Variants in ADAMTSL1 observed in about 807,000 individuals in gnomAD.
ADAMTSL1 encodes the protein ADAMTS-like protein 1.
Under a neutral mutation model 201.8 loss-of-function variants are expected in ADAMTSL1, and 126 were observed. The ratio of observed to expected loss-of-function variants is 0.62; its 90% CI spans 0.54 to 0.72. The LOEUF (loss-of-function observed/expected upper bound fraction) is 0.72. ADAMTSL1 is among the 30% of genes least tolerant of loss of function. The probability of loss-of-function intolerance (pLI) is 0.00; values close to 1 mark genes in which losing one functional copy is unlikely to be tolerated. For synonymous variants in ADAMTSL1, 1,121 were observed against 903.4 expected (o/e 1.24, Z -4.32); for missense variants, 2,679 against 2,277.8 (o/e 1.18, Z -3.59).
chr9:17,948,453 C>A (rs769218669), intron 1 of ADAMTSL1, among the ~76,000 whole-genome samples: 33 of 152,208 alleles, frequency 2.2e-4, no homozygotes, highest in Non-Finnish European at 4.3e-4. Flanking sequence ...CCATCACTAT[C>A]TGAGATCAGG....
chr9:18,521,855 A>G lies in ADAMTSL1; in HGVS notation c.192-11392A>G, dbSNP rs139751333. On this transcript the variant is annotated intron_variant, in intron 2 of 28. Coordinates refer to ENST00000380548, the MANE Select transcript of ADAMTSL1 (RefSeq NM_001040272.6). ...GCAAAGCTAAGAAAAAGATTAGAATATGGGACTTGTGAAACCCACAGGGAT... is the reference window on the plus strand; with the variant it reads ...GCAAAGCTAAGAAAAAGATTAGAATGTGGGACTTGTGAAACCCACAGGGAT... 4.4e-3 allele frequency among the ~76,000 whole-genome samples: 669 copies of G among 152,318 alleles called. 3 individuals carry two copies. The highest frequency in any genetic ancestry group is 0.015 in the African/African-American group (613 of 41,562).
Position 18,413,068 on chromosome 9 carries a change from C to G in ADAMTSL1, c.208-91761C>G, listed in dbSNP as rs181391284. On this transcript the variant is annotated intron_variant, in intron 2 of 29. Transcript: ENST00000680146. ...GGCGTGTTTTACCTTTTTCTATACTCTGAACTAATTTGTGTAAGAGAAGAA... is the reference window on the plus strand; with the variant it reads ...GGCGTGTTTTACCTTTTTCTATACTGTGAACTAATTTGTGTAAGAGAAGAA... Among the ~76,000 whole-genome samples, 309 of 151,646 alleles carry G rather than the reference C, an allele frequency of 2.0e-3. 3 individuals carry two copies. The highest frequency in any genetic ancestry group is 7.3e-3 in the African/African-American group (301 of 41,318).
intron 1 of ADAMTSL1, among the ~76,000 whole-genome samples, chr9:17,921,790 G>A (rs1017476172): frequency 3.9e-5 from 6 of 152,168 alleles, no homozygotes; most frequent in East Asian, 1.9e-4. Flanking sequence ...AAGAGATTCC[G>A]TGCTCACTGA....
At chr9:18,707,233 T>C (rs77194852) in intron 14 of ADAMTSL1, among the ~76,000 whole-genome samples, 185 bp downstream of exon 14, 2,153 of 152,326 alleles carry the variant, frequency 0.014, 15 homozygotes, top group Middle Eastern at 0.031. Context: ...TTGGCTCCAG[T>C]GGCTCTCAGA....
chr9:18,053,693 A>G (rs1028519019), intron 1 of ADAMTSL1, among the ~76,000 whole-genome samples: 2 of 152,228 alleles, frequency 1.3e-5, no homozygotes, highest in African/African-American at 4.8e-5. Context: ...TGTTACATTC[A>G]TATATTAATT....
At chr9:18,320,964 A>T (rs1298154027) in intron 2 of ADAMTSL1, among the ~76,000 whole-genome samples, 1 of 152,092 alleles carries the variant, frequency 6.6e-6, no homozygotes, top group Non-Finnish European at 1.5e-5. Flanking sequence ...ACAAAATAAT[A>T]GATATAAATA....
rs554220611 is a variant in ADAMTSL1 at position 18,856,435 on chromosome 9, T to C, written c.4249+26458T>C. Among the ~76,000 whole-genome samples, 10 of 151,904 alleles carry C rather than the reference T, an allele frequency of 6.6e-5. 1 individual carries two copies. Among genetic ancestry groups the C allele is most frequent in the Middle Eastern group, 3.4e-3 (1 of 292 alleles). ...TATTGTTGACATAGCAATGATAAAC[T>C]GGTTGTTGCCAAATGATAAGAAGGA... On this transcript the variant is annotated intron_variant, in intron 23 of 28. Coordinates refer to ENST00000380548, the MANE Select transcript of ADAMTSL1 (RefSeq NM_001040272.6).
intron 1 of ADAMTSL1, among the ~76,000 whole-genome samples, chr9:18,116,620 A>C (rs1389391575): frequency 6.6e-6 from 1 of 152,174 alleles, no homozygotes; most frequent in African/African-American, 2.4e-5. Context: ...CAGGGGTTGC[A>C]TTTTATGTAG....
Position 18,590,857 on chromosome 9 carries a change from G to A in ADAMTSL1, c.474+16591G>A, listed in dbSNP as rs76097314. ...TATTTGTATAGTTTTGAAAGTTATTGATTTCTAGTTTTATTTCATTGTGGT... is the reference window on the plus strand; with the variant it reads ...TATTTGTATAGTTTTGAAAGTTATTAATTTCTAGTTTTATTTCATTGTGGT... On this transcript the variant is annotated intron_variant, in intron 4 of 28. Transcript: ENST00000380548. 8.3e-4 allele frequency among the ~76,000 whole-genome samples: 126 copies of A among 152,048 alleles called. 1 individual carries two copies. The highest frequency in any genetic ancestry group is 2.9e-3 in the African/African-American group (121 of 41,494).
chr9:18,715,574 A>C (rs1171255091), intron 14 of ADAMTSL1, among the ~76,000 whole-genome samples: 1 of 152,140 alleles, frequency 6.6e-6, no homozygotes, highest in African/African-American at 2.4e-5. Flanking sequence ...CCACTACTCA[A>C]GGAAATAAAA....
At chr9:18,411,106 C>T (rs551849955) in intron 2 of ADAMTSL1, among the ~76,000 whole-genome samples, 9 of 151,534 alleles carry the variant, frequency 5.9e-5, no homozygotes, top group African/African-American at 2.2e-4. Flanking sequence ...TCATCATCCA[C>T]CCACCTTGGT....
chr9:18,817,365 C>T (rs1277537494), intron 21 of ADAMTSL1, 128 bp downstream of exon 21: 5 of 914,138 alleles, frequency 5.5e-6, no homozygotes, highest in Non-Finnish European at 7.9e-6. Context: ...AAAGCATGAA[C>T]CTCAGTCGCT....
chr9:18,390,441 G>A (rs1341610471), intron 2 of ADAMTSL1, among the ~76,000 whole-genome samples: 1 of 152,090 alleles, frequency 6.6e-6, no homozygotes, highest in Non-Finnish European at 1.5e-5. Context: ...TAAACTGAAG[G>A]GAATTTGTTG....
intron 13 of ADAMTSL1, among the ~76,000 whole-genome samples, chr9:18,697,782 TA>T (rs1398138572): frequency 1.3e-5 from 2 of 152,180 alleles, no homozygotes; most frequent in Non-Finnish European, 2.9e-5. Context: ...AGGTAGCCAT[TA>T]AAATCCTTTG....
At chr9:18,095,575 A>C (rs1489055792) in intron 1 of ADAMTSL1, among the ~76,000 whole-genome samples, 1 of 151,808 alleles carries the variant, frequency 6.6e-6, no homozygotes, top group East Asian at 1.9e-4. Context: ...GGCACATGCC[A>C]CCACGCCCGG....
chr9:18,314,190 G>C (rs1834269448), intron 2 of ADAMTSL1, among the ~76,000 whole-genome samples: 1 of 152,126 alleles, frequency 6.6e-6, no homozygotes, highest in Non-Finnish European at 1.5e-5. Flanking sequence ...AGCACATGTT[G>C]GTGAGGATAT....
chr9:18,767,099 T>C (rs549817087), intron 16 of ADAMTSL1, among the ~76,000 whole-genome samples: 1 of 152,114 alleles, frequency 6.6e-6, no homozygotes, highest in Non-Finnish European at 1.5e-5. Context: ...TGGGGAAGAC[T>C]GAGAGAGAAG....
chr9:18,203,861 G>T (rs967460479), intron 2 of ADAMTSL1, among the ~76,000 whole-genome samples: 1 of 152,144 alleles, frequency 6.6e-6, no homozygotes, highest in Non-Finnish European at 1.5e-5. Context: ...CCTAAAAGGA[G>T]ATTTTGTCCT....
rs1455384553 is a variant in ADAMTSL1 at position 18,533,297 on chromosome 9, G to C, written c.237+5G>C. 1.9e-6 allele frequency: 3 copies of C among 1,606,268 alleles called. No individual in the cohort carries two copies. The highest frequency in any genetic ancestry group is 2.2e-5 in the South Asian group (2 of 89,642). On this transcript the variant is annotated splice_donor_5th_base_variant and intron_variant, in intron 3 of 28. Transcript: ENST00000380548. Reference sequence around the variant, plus strand: ...TACAGAACATGCAGTAATGTGGTAAGTATAAGGTTCTGAGATTGTAATCAT... The same window carrying C: ...TACAGAACATGCAGTAATGTGGTAACTATAAGGTTCTGAGATTGTAATCAT...
Sources: allele counts gnomAD v4.1 joint callset (sites outside exome capture counted in the v4.1 genomes callset), GRCh38; gene constraint gnomAD v4.1.1; transcripts MANE v1.5; gene names NCBI Gene and HGNC (gene_info 2026-07-23, HGNC 2026-07-21).